TMC1: variants seen among roughly 807,000 people sequenced by gnomAD.
TMC1 encodes transmembrane channel like 1.
In TMC1, 84 loss-of-function variants were observed where a neutral mutation model predicts 105.8. That is an observed-to-expected ratio of 0.79 (90% CI 0.67 to 0.95). TMC1 has a LOEUF of 0.95. Among genes scored for constraint, TMC1 ranks in the 40% least tolerant of loss-of-function variants. The pLI, the probability that TMC1 is intolerant of heterozygous loss-of-function variation, is 0.00. For synonymous variants in TMC1, 315 were observed against 311.5 expected (o/e 1.01, Z -0.12); for missense variants, 817 against 914.1 (o/e 0.89, Z 1.37).
At chr9:72,816,030 T>C in intron 18 of TMC1, 113 bp from the exon 19 acceptor site, 1 of 868,930 alleles carries the variant, frequency 1.2e-6, no homozygotes, top group South Asian at 1.3e-5. Flanking sequence ...ATTATTCTGC[T>C]ATTGTTGCTG....
chr9:72,825,328 A>G (rs1387675215), intron 20 of TMC1, among the ~76,000 whole-genome samples: 3 of 152,226 alleles, frequency 2.0e-5, no homozygotes, highest in Admixed American at 1.3e-4. Context: ...ATGGATAGAC[A>G]CAGACAACTG....
intron 17 of TMC1, among the ~76,000 whole-genome samples, chr9:72,796,197 G>A (rs1210799169): frequency 1.3e-5 from 2 of 152,046 alleles, no homozygotes. Flanking sequence ...GATTCATAAA[G>A]CAAGTTCTTA....
At chr9:72,737,690 G>A (rs1410827704) in intron 8 of TMC1, among the ~76,000 whole-genome samples, 1 of 152,148 alleles carries the variant, frequency 6.6e-6, no homozygotes, top group Non-Finnish European at 1.5e-5. Flanking sequence ...CCTGCTGGCT[G>A]CCACCCTCCC....
rs1428809042 is a variant in TMC1, at chr9:72,714,783, T to A, written c.362+14140T>A. ...CATTTACATTTAAGGTTAATATTGT[T>A]ATGTGTGATTTGATCCTGCCATTAT... On this transcript the variant is annotated intron_variant, in intron 8 of 23. Coordinates refer to ENST00000297784, the MANE Select transcript of TMC1 (RefSeq NM_138691.3). 2.6e-5 allele frequency among the ~76,000 whole-genome samples: 4 copies of A among 152,220 alleles called. No individual in the cohort carries two copies. In the East Asian group the frequency reaches 7.7e-4, roughly 29 times the overall value.
chr9:72,568,293 C>G (rs1393893158), intron 1 of TMC1, among the ~76,000 whole-genome samples: 1 of 152,128 alleles, frequency 6.6e-6, no homozygotes, highest in African/African-American at 2.4e-5. Context: ...TTTCTTGAGG[C>G]AACGAAGGTA....
chr9:72,721,207 AAAAAC>A (rs1827018430), intron 8 of TMC1, among the ~76,000 whole-genome samples: 1 of 152,192 alleles, frequency 6.6e-6, no homozygotes, highest in African/African-American at 2.4e-5. Flanking sequence ...AGAGAATTAC[AAAAAC>A]AAAAGGTCTT....
In TMC1 at chr9:72,792,263, T is replaced by A. The variant is rs748118938; in HGVS notation, c.1477T>A (p.Ser493Thr). 6.2e-7 allele frequency: 1 copy of A among 1,614,158 alleles called. No individual in the cohort carries two copies. The highest frequency in any genetic ancestry group is 1.1e-5 in the South Asian group (1 of 91,086). The stretch of plus-strand genomic sequence containing the variant: ...CAATATGATCAAGGCCTACAATGCA[T>A]CATTCTCTGAAAATAGCACTGGACC... ...EANMIKAYNA[S>T]FSENSTGPPF... is the part of the protein sequence containing the mutation. The change falls in exon 17 of 24, where the codon TCA becomes ACA. Residue 493 changes from serine to threonine, a missense_variant. Coordinates refer to ENST00000297784, the MANE Select transcript of TMC1 (RefSeq NM_138691.3).
chr9:72,720,365 GA>G (rs1379153561), intron 8 of TMC1, among the ~76,000 whole-genome samples: 8 of 152,170 alleles, frequency 5.3e-5, no homozygotes, highest in Admixed American at 5.2e-4. Flanking sequence ...AGCACAGTGA[GA>G]AGTAAGGGGA....
chr9:72,835,934 TTCTG>T lies in TMC1; in HGVS notation c.2261-15_2261-12del. On this transcript the variant is annotated splice_polypyrimidine_tract_variant and intron_variant, in intron 23 of 23. Transcript: ENST00000297784. ...CTCCTTGTTTTTTTTTTTTTTTTTTTTCTGTTTTGTGAACAGCTGCAGCTGCTGG... is the reference window on the plus strand; with the variant it reads ...CTCCTTGTTTTTTTTTTTTTTTTTTTTTTTGTGAACAGCTGCAGCTGCTGG... 5 of 1,565,850 alleles carry T rather than the reference TTCTG, an allele frequency of 3.2e-6. No individual in the cohort carries two copies. Among genetic ancestry groups the T allele is most frequent in the South Asian group, 1.1e-5 (1 of 86,966 alleles).
chr9:72,677,462 A>C (rs1826220841), intron 5 of TMC1, among the ~76,000 whole-genome samples: 1 of 152,128 alleles, frequency 6.6e-6, no homozygotes, highest in South Asian at 2.1e-4. Context: ...CACCCAGAAT[A>C]ATCTTTCACC....
intron 1 of TMC1, among the ~76,000 whole-genome samples, chr9:72,527,401 A>G (rs1283733149): frequency 6.6e-6 from 1 of 152,064 alleles, no homozygotes; most frequent in Non-Finnish European, 1.5e-5. Context: ...ATTACGATGT[A>G]GCAGCTCTGT....
At chr9:72,742,395 G>A (rs547462602) in intron 9 of TMC1, 49 bp from the exon 10 acceptor site, 1 of 1,465,146 alleles carries the variant, frequency 6.8e-7, no homozygotes, top group East Asian at 2.3e-5. Flanking sequence ...TAAACATCTT[G>A]ACAAATCAAG....
chr9:72,819,710 T>A (rs1828839160), intron 19 of TMC1, among the ~76,000 whole-genome samples: 1 of 152,178 alleles, frequency 6.6e-6, no homozygotes, highest in Non-Finnish European at 1.5e-5. Context: ...TAAAAATGTC[T>A]CTATAATGAA....
intron 2 of TMC1, among the ~76,000 whole-genome samples, chr9:72,608,314 G>A (rs373354137): frequency 6.6e-6 from 1 of 152,164 alleles, no homozygotes. Flanking sequence ...CTTGGATCCA[G>A]GCACACTGAT....
chr9:72,565,064 AG>A (rs1824123340), intron 1 of TMC1, among the ~76,000 whole-genome samples: 1 of 152,238 alleles, frequency 6.6e-6, no homozygotes, highest in Non-Finnish European at 1.5e-5. Flanking sequence ...ACTAAGACTT[AG>A]GAAAAAGAAG....
intron 17 of TMC1, among the ~76,000 whole-genome samples, chr9:72,792,834 T>C (rs1314665714): frequency 6.6e-6 from 1 of 152,138 alleles, no homozygotes. Flanking sequence ...TGAGTAAATA[T>C]AGCACCTTCA....
At chr9:72,617,908 GGTGTGTGTGTGTGTGTGTGTGT>G (rs58657161) in intron 3 of TMC1, among the ~76,000 whole-genome samples, 124 of 144,416 alleles carry the variant, frequency 8.6e-4, no homozygotes, top group African/African-American at 2.4e-3. Context: ...GTCTATGTGT[GGTGTGTGTGTGTGTGTGTGTGT>G]GTGTGTGTGT....
chr9:72,726,657 G>A (rs1225846219), intron 8 of TMC1, among the ~76,000 whole-genome samples: 1 of 152,110 alleles, frequency 6.6e-6, no homozygotes, highest in Non-Finnish European at 1.5e-5. Flanking sequence ...AAATGCCATC[G>A]TTTAAAAGCA....
chr9:72,711,896 T>TTTTAGGA (rs1217082295), intron 8 of TMC1, among the ~76,000 whole-genome samples: 1 of 152,126 alleles, frequency 6.6e-6, no homozygotes, highest in Non-Finnish European at 1.5e-5. Context: ...GTTTTTACGG[T>TTTTAGGA]TTTAGGTTTT....
Sources: allele counts gnomAD v4.1 joint callset (sites outside exome capture counted in the v4.1 genomes callset), GRCh38; gene constraint gnomAD v4.1.1; transcripts MANE v1.5; gene names NCBI Gene and HGNC (gene_info 2026-07-23, HGNC 2026-07-21).